The following CALCR variants were observed in gnomAD, a reference collection of about 807,000 sequenced individuals.
CALCR encodes the protein calcitonin receptor.
A neutral mutation model predicts 59.5 loss-of-function variants in CALCR; 47 were observed. That is an observed-to-expected ratio of 0.79 (90% CI 0.63 to 1.01). The LOEUF is 1.01. Ranked by LOEUF, CALCR falls within the 50% of genes least tolerant of loss-of-function variation. The probability of loss-of-function intolerance (pLI) is 0.00; values close to 1 mark genes in which losing one functional copy is unlikely to be tolerated. For missense variants in CALCR, 566 were observed against 597.1 expected (o/e 0.95, Z 0.54); for synonymous variants, 213 against 211.3 (o/e 1.01, Z -0.07).
At chr7:93,457,560 G>A (rs1246439375) in intron 8 of CALCR, among the ~76,000 whole-genome samples, 2 of 152,278 alleles carry the variant, frequency 1.3e-5, no homozygotes, top group African/African-American at 4.8e-5. Context: ...TAATGTGACT[G>A]AGCATGCTCC....
At chr7:93,559,813 A>G (rs913677167) in intron 2 of CALCR, 2 of 151,838 alleles carry the variant, frequency 1.3e-5, no homozygotes, top group East Asian at 1.9e-4. Flanking sequence ...TTATAACTCA[A>G]CTTCCCTTTG....
intron 2 of CALCR, among the ~76,000 whole-genome samples, chr7:93,516,453 A>G (rs878857000): frequency 1.3e-5 from 2 of 151,924 alleles, no homozygotes; most frequent in Admixed American, 1.3e-4. Flanking sequence ...TACACCAAAC[A>G]ATGAAAACAG....
At chr7:93,454,763 T>A (rs1025246573) in intron 8 of CALCR, among the ~76,000 whole-genome samples, 3 of 151,810 alleles carry the variant, frequency 2.0e-5, no homozygotes, top group Non-Finnish European at 4.4e-5. Flanking sequence ...TAACTTTTTT[T>A]AAAAAAAGAA....
intron 2 of CALCR, among the ~76,000 whole-genome samples, chr7:93,568,565 C>CTCTCTCT (rs1318619915): frequency 2.1e-5 from 3 of 144,048 alleles, no homozygotes; most frequent in East Asian, 2.0e-4. Flanking sequence ...CTGTCTCTCT[C>CTCTCTCT]CTGTAGTCTT....
chr7:93,548,153 GCT>G (rs939914373), intron 2 of CALCR, among the ~76,000 whole-genome samples: 23 of 152,220 alleles, frequency 1.5e-4, no homozygotes, highest in African/African-American at 5.5e-4. Context: ...GGTGTGCGGA[GCT>G]CTCTTTTCTC....
intron 2 of CALCR, among the ~76,000 whole-genome samples, chr7:93,504,331 T>A (rs1801382162): frequency 6.6e-6 from 1 of 152,214 alleles, no homozygotes; most frequent in Admixed American, 6.5e-5. Flanking sequence ...TGTTTAAGTA[T>A]AGCTAAAAAT....
At chr7:93,482,626 G>C in intron 3 of CALCR, 1 of 305,632 alleles carries the variant, frequency 3.3e-6, no homozygotes, top group Non-Finnish European at 6.4e-6. Context: ...GTATGTCCGA[G>C]GATAACAAGT....
rs575729376 is a variant in CALCR at position 93,568,943 on chromosome 7, TG to T, written c.-27+5345del. ...GTCCAAAATACTCCTTGTCCCGACT[TG>T]GTGAATGACATCACATCTCTCTTAT... On this transcript the variant is annotated intron_variant, in intron 2 of 13. Transcript: ENST00000426151. 1.2e-3 allele frequency among the ~76,000 whole-genome samples: 188 copies of T among 152,270 alleles called. 2 individuals are homozygous for T. The South Asian group carries it at 0.015, about 12-fold the overall frequency.
chr7:93,459,244 C>A (rs1800269270), intron 8 of CALCR, among the ~76,000 whole-genome samples: 1 of 151,990 alleles, frequency 6.6e-6, no homozygotes, highest in Non-Finnish European at 1.5e-5. Flanking sequence ...GTTACTAAGC[C>A]CTCACTGATT....
chr7:93,495,917 TCCAGAAAATTGCATCCTGGGGTGGCA>T (rs1331611780), intron 2 of CALCR: 2 of 1,530,068 alleles, frequency 1.3e-6, no homozygotes, highest in Non-Finnish European at 1.7e-6. Context: ...TAATCTTCTC[TCCAGAAAATTGCATCCTGGGGTGGCA>T]AAAGTGGGTG....
chr7:93,478,189 T>C (rs1002210361), intron 4 of CALCR, among the ~76,000 whole-genome samples: 2 of 150,004 alleles, frequency 1.3e-5, no homozygotes, highest in African/African-American at 4.9e-5. Context: ...GTCAGAGTTA[T>C]GTCTAATGCC....
chr7:93,475,755 T>A (rs1800653800), intron 5 of CALCR, among the ~76,000 whole-genome samples: 1 of 151,826 alleles, frequency 6.6e-6, no homozygotes, highest in Non-Finnish European at 1.5e-5. Flanking sequence ...ATCAAGAATT[T>A]GTCCTACTTC....
chr7:93,500,846 G>T (rs937625069), intron 2 of CALCR, among the ~76,000 whole-genome samples: 2 of 151,912 alleles, frequency 1.3e-5, no homozygotes, highest in African/African-American at 2.4e-5. Flanking sequence ...AGACAAGCTT[G>T]CTCCTGCATT....
At chr7:93,453,078 TG>T (rs1359648707) in intron 8 of CALCR, among the ~76,000 whole-genome samples, 2 of 152,072 alleles carry the variant, frequency 1.3e-5, no homozygotes, top group Non-Finnish European at 2.9e-5. Flanking sequence ...ATTTAAGCAG[TG>T]TTTTACAAGT....
intron 2 of CALCR, among the ~76,000 whole-genome samples, chr7:93,562,742 A>G (rs903115473): frequency 6.6e-6 from 1 of 152,210 alleles, no homozygotes; most frequent in Non-Finnish European, 1.5e-5. Context: ...ATCAGCCTGC[A>G]TTACTATAAT....
At chr7:93,518,279 C>A (rs1313608815) in intron 2 of CALCR, among the ~76,000 whole-genome samples, 2 of 151,504 alleles carry the variant, frequency 1.3e-5, no homozygotes, top group African/African-American at 4.8e-5. Context: ...ATATTCACAA[C>A]ATATGTGACA....
chr7:93,563,685 A>G lies in CALCR; in HGVS notation c.-27+10604T>C, dbSNP rs1163299761. 2.6e-5 allele frequency among the ~76,000 whole-genome samples: 4 copies of G among 152,216 alleles called. No individual in the cohort carries two copies. The East Asian group carries it at 7.7e-4, about 29-fold the overall frequency. On this transcript the variant is annotated intron_variant, in intron 2 of 13. Transcript: ENST00000426151. ...TTTCTACCCATGGATCTGCTGCTCAAAGGCACACAAAATGCAAAACTGAAA... is the reference window on the plus strand; with the variant it reads ...TTTCTACCCATGGATCTGCTGCTCAGAGGCACACAAAATGCAAAACTGAAA...
rs1799959792 is a variant in CALCR at position 93,443,818 on chromosome 7, CA to C, written c.649-62del. 3.4e-6 allele frequency: 5 copies of C among 1,480,424 alleles called. No homozygotes were observed. In the East Asian group the frequency reaches 1.1e-4, roughly 34 times the overall value. The allele number at this position is 1,480,424 out of a possible 1,614,324, so 91.7% of individuals were successfully genotyped here. Reference sequence around the variant, plus strand: ...ACAGGTAAAGATCTGCCAGGGAGCACAGAGCAAATGTGAAAACAAGCCAAAG... The same window carrying C: ...ACAGGTAAAGATCTGCCAGGGAGCACGAGCAAATGTGAAAACAAGCCAAAG... On this transcript the variant is annotated intron_variant, in intron 8 of 13. Coordinates refer to ENST00000426151, the MANE Select transcript of CALCR (RefSeq NM_001742.4).
intron 2 of CALCR, among the ~76,000 whole-genome samples, chr7:93,519,827 T>C (rs76500119): frequency 0.022 from 3,281 of 152,066 alleles, 112 homozygotes; most frequent in African/African-American, 0.073. Flanking sequence ...TCGCTCACTC[T>C]TCTCTCTCCT....
Sources: gnomAD v4.1 joint callset for allele counts (sites outside exome capture counted in the v4.1 genomes callset) on GRCh38, gnomAD v4.1.1 for gene constraint, MANE v1.5 for transcripts, NCBI Gene and HGNC (gene_info 2026-07-23, HGNC 2026-07-21) for gene names.